Variants in CLCN3 observed in about 807,000 individuals in gnomAD.
CLCN3 encodes H(+)/Cl(-) exchange transporter 3.
Under a neutral mutation model 83.4 loss-of-function variants are expected in CLCN3, and 16 were observed. The ratio of observed to expected loss-of-function variants is 0.19; its 90% CI spans 0.13 to 0.29. CLCN3 has a LOEUF of 0.29. Among genes scored for constraint, CLCN3 ranks in the 10% least tolerant of loss-of-function variants. CLCN3 has a pLI of 1.00. For synonymous variants in CLCN3, 322 were observed against 346.2 expected, an observed-to-expected ratio of 0.93 and a Z score of 0.78; for missense variants, 544 against 1,006.0, an observed-to-expected ratio of 0.54 and a Z score of 6.21.
chr4:169,696,384 A>T (rs1732563834), intron 8 of CLCN3, among the ~76,000 whole-genome samples: 1 of 152,096 alleles, frequency 6.6e-6, no homozygotes, highest in South Asian at 2.1e-4. Flanking sequence ...TTTTCTTTTT[A>T]CATAAAAATG....
intron 12 of CLCN3, among the ~76,000 whole-genome samples, chr4:169,717,350 C>T (rs573589756): frequency 3.9e-5 from 6 of 152,118 alleles, no homozygotes; most frequent in Non-Finnish European, 7.4e-5. Context: ...CCTTTTGCTA[C>T]CTTTTCACCA....
intron 10 of CLCN3, 146 bp from the exon 11 acceptor site, chr4:169,706,722 G>C (rs1733007877): frequency 1.6e-6 from 1 of 609,826 alleles, no homozygotes; most frequent in Non-Finnish European, 2.9e-6. Flanking sequence ...TGTCCTAAAA[G>C]AGGAGTAGCA....
chr4:169,719,849 A>C, intron 12 of CLCN3, 58 bp from the exon 13 acceptor site: 1 of 1,385,554 alleles, frequency 7.2e-7, no homozygotes, highest in Non-Finnish European at 1.0e-6. Flanking sequence ...CTATAGATTT[A>C]GCTTCTCCTT....
rs1351177698 is a variant in CLCN3, at chr4:169,723,497, G to C, written c.*3500G>C. On this transcript the variant is annotated 3_prime_UTR_variant, in exon 13 of 13. Coordinates refer to ENST00000513761, the MANE Select transcript of CLCN3 (RefSeq NM_001829.4). ...TTCAAAAGTGATTTTTTTTTTTTTCGCAAGAAAAATTACGCTATTTGCATG... is the reference window on the plus strand; with the variant it reads ...TTCAAAAGTGATTTTTTTTTTTTTCCCAAGAAAAATTACGCTATTTGCATG... 1 of 143,788 alleles carries C rather than the reference G, an allele frequency of 7.0e-6. No homozygotes were observed. The highest frequency in any genetic ancestry group is 1.5e-5 in the Non-Finnish European group (1 of 65,854). 8.9% of individuals were successfully genotyped at this position (143,788 alleles called of 1,614,324 possible). A position where few individuals can be genotyped will look rare whatever the true frequency, so the allele number is the denominator to read the frequency against.
At chr4:169,709,677 CAAA>C (rs80258467) in intron 11 of CLCN3, among the ~76,000 whole-genome samples, 1 of 129,252 alleles carries the variant, frequency 7.7e-6, no homozygotes, top group African/African-American at 2.9e-5. Flanking sequence ...AACCCTGTCT[CAAA>C]AAAAAAAAAA....
chr4:169,634,542 T>A (rs780695069), intron 1 of CLCN3, among the ~76,000 whole-genome samples: 10 of 152,356 alleles, frequency 6.6e-5, no homozygotes, highest in Non-Finnish European at 1.2e-4. Context: ...TTAATTAATA[T>A]ACTCTAACAA....
rs1433300940 is a variant in CLCN3 at position 169,707,065 on chromosome 4, C to T, written c.1948C>T (p.His650Tyr). 1 of 1,614,130 alleles carries T rather than the reference C, an allele frequency of 6.2e-7. No individual in the cohort carries two copies. Among genetic ancestry groups the T allele is most frequent in the Non-Finnish European group, 8.5e-7 (1 of 1,179,994 alleles). The stretch of plus-strand genomic sequence containing the variant: ...CTTGGATGCAAAAGAAGAATTCACT[C>T]ATACCACCCTGGCTGCTGACGTTAT... ...PFLDAKEEFT[H>Y]TTLAADVMRP... is the part of the protein sequence containing the mutation. The change falls in exon 11 of 13, where the codon CAT becomes TAT. Residue 650 changes from histidine to tyrosine, a missense_variant. His to Tyr is a moderately conservative substitution (Grantham distance 83). Transcript: ENST00000513761.
At chr4:169,658,470 A>G (rs1265729444) in intron 2 of CLCN3, among the ~76,000 whole-genome samples, 3 of 152,128 alleles carry the variant, frequency 2.0e-5, no homozygotes, top group African/African-American at 7.2e-5. Context: ...TTCATTTTTT[A>G]TGTAAAGACA....
Position 169,697,291 on chromosome 4 carries a change from C to G in CLCN3, c.1120C>G (p.Leu374Val), listed in dbSNP as rs1292976144. 2 of 1,613,846 alleles carry G rather than the reference C, an allele frequency of 1.2e-6. No homozygotes were observed. The highest frequency in any genetic ancestry group is 2.7e-5 in the African/African-American group (2 of 74,860). ...CATCAATCCATTTGGTAACAGCCGT[C>G]TGGTCCTTTTTTATGTGGAGTATCA... Reference protein sequence around the residue: ...RSINPFGNSRLVLFYVEYHTP... With the variant: ...RSINPFGNSRVVLFYVEYHTP... The change falls in exon 9 of 13, where the codon CTG becomes GTG. Residue 374 changes from leucine (L) to valine (V), a missense_variant. Around this residue, in one of 6 missense-constraint regions of CLCN3, gnomAD observed 194 missense variants for 341.4 expected, o/e 0.57. Coordinates refer to ENST00000513761, the MANE Select transcript of CLCN3 (RefSeq NM_001829.4).
chr4:169,701,072 T>A (rs1028193792), intron 9 of CLCN3, among the ~76,000 whole-genome samples: 1 of 152,204 alleles, frequency 6.6e-6, no homozygotes, highest in Non-Finnish European at 1.5e-5. Flanking sequence ...TTTGATACCA[T>A]TTTACCTACA....
intron 7 of CLCN3, 32 bp from the exon 8 acceptor site, chr4:169,695,580 A>G (rs566289395): frequency 1.1e-5 from 16 of 1,477,314 alleles, no homozygotes; most frequent in Admixed American, 7.3e-5. Flanking sequence ...AATTTCTATG[A>G]AATTATGAAA....
intron 8 of CLCN3, among the ~76,000 whole-genome samples, chr4:169,696,041 C>T (rs1398604069): frequency 1.3e-5 from 2 of 152,064 alleles, no homozygotes; most frequent in Admixed American, 6.6e-5. Context: ...GATGGAATTT[C>T]ACCATGTTGG....
Position 169,689,224 on chromosome 4 carries a change from A to G in CLCN3, c.600A>G (p.Gln200=). ...WKTWAELIIG[Q]AEGPGSYIMN... ...CATGGGCAGAATTAATCATAGGTCA[A>G]GCAGAGGTAAGTCTTGCTTTGTCTC... Residue 200 remains glutamine (Q), a synonymous_variant, in exon 5 of 13, where the codon CAA becomes CAG. Transcript: ENST00000513761. 1 of 1,611,162 alleles carries G rather than the reference A, an allele frequency of 6.2e-7. No individual in the cohort carries two copies. Among genetic ancestry groups the G allele is most frequent in the Non-Finnish European group, 8.5e-7 (1 of 1,178,530 alleles).
At chr4:169,712,927 G>C (rs1733278363) in intron 11 of CLCN3, 152 bp from the exon 12 acceptor site, 2 of 614,464 alleles carry the variant, frequency 3.3e-6, no homozygotes, top group Non-Finnish European at 5.9e-6. Context: ...TGGCTTTTCA[G>C]TTGACTCCTT....
At chr4:169,690,334 C>T (rs149693636) in intron 5 of CLCN3, among the ~76,000 whole-genome samples, 196 bp from the exon 6 acceptor site, 13 of 151,876 alleles carry the variant, frequency 8.6e-5, no homozygotes, top group African/African-American at 2.4e-4. Context: ...TTAATAGCAA[C>T]GGGGTTTCAC....
At chr4:169,659,951 TC>T (rs755495898) in intron 2 of CLCN3, 160 of 684,472 alleles carry the variant, frequency 2.3e-4, no homozygotes, top group Non-Finnish European at 2.7e-4. Flanking sequence ...TATTACTTTT[TC>T]CCCTTTATAT....
intron 2 of CLCN3, among the ~76,000 whole-genome samples, chr4:169,656,611 A>T (rs1357144416): frequency 6.6e-6 from 1 of 152,200 alleles, no homozygotes; most frequent in Non-Finnish European, 1.5e-5. Flanking sequence ...ACAGTTTTTA[A>T]CCTGCTTCTA....
chr4:169,686,498 C>T (rs943753867), intron 3 of CLCN3, among the ~76,000 whole-genome samples: 11 of 151,670 alleles, frequency 7.3e-5, no homozygotes, highest in Non-Finnish European at 2.9e-5. Flanking sequence ...CTCACTGCCA[C>T]CTCCGCCTCC....
chr4:169,690,674 GT>G, intron 6 of CLCN3, 22 bp downstream of exon 6: 3 of 1,597,434 alleles, frequency 1.9e-6, no homozygotes, highest in Non-Finnish European at 2.6e-6. Flanking sequence ...AATATTTAGT[GT>G]CATTAAACAT....
Sources: gnomAD v4.1 joint callset for allele counts (sites outside exome capture counted in the v4.1 genomes callset) on GRCh38, gnomAD v4.1.1 for gene constraint, gnomAD v4.1.1 regional missense constraint, MANE v1.5 for transcripts, NCBI Gene and HGNC (gene_info 2026-07-23, HGNC 2026-07-21) for gene names.